Variants in NPAS3 observed in about 807,000 individuals in gnomAD.
The protein encoded by NPAS3 is neuronal PAS domain-containing protein 3.
In NPAS3, 14 loss-of-function variants were observed where a neutral mutation model predicts 73.1. The observed-to-expected ratio is 0.19, with a 90% CI of 0.13 to 0.30. The LOEUF (loss-of-function observed/expected upper bound fraction) is 0.30, where lower values mean the gene tolerates loss of function less well. Among genes scored for constraint, NPAS3 ranks in the 10% least tolerant of loss-of-function variants. The pLI, the probability that NPAS3 is intolerant of heterozygous loss-of-function variation, is 1.00. For synonymous variants in NPAS3, 620 were observed against 541.5 expected, an observed-to-expected ratio of 1.14 and a Z score of -2.01; for missense variants, 1,096 against 1,250.0, an observed-to-expected ratio of 0.88 and a Z score of 1.86.
chr14:33,663,926 C>G (rs2059380333), intron 5 of NPAS3, among the ~76,000 whole-genome samples: 1 of 151,962 alleles, frequency 6.6e-6, no homozygotes, highest in Non-Finnish European at 1.5e-5. Flanking sequence ...TGATTCTTCT[C>G]TCTTTTCCTC....
intron 4 of NPAS3, among the ~76,000 whole-genome samples, chr14:33,529,880 A>C (rs1419423623): frequency 2.0e-5 from 3 of 152,156 alleles, no homozygotes; most frequent in East Asian, 3.9e-4. Context: ...ACCAAGCGGC[A>C]GCATGTTCTA....
chr14:33,748,740 G>A (rs932609043), intron 7 of NPAS3, among the ~76,000 whole-genome samples: 3 of 152,110 alleles, frequency 2.0e-5, no homozygotes, highest in Admixed American at 6.6e-5. Context: ...ATGTTCATTC[G>A]TCATTGATGG....
chr14:33,442,892 T>A (rs2049317780), intron 4 of NPAS3, among the ~76,000 whole-genome samples: 1 of 152,258 alleles, frequency 6.6e-6, no homozygotes, highest in African/African-American at 2.4e-5. Flanking sequence ...CTAAGTTTAA[T>A]GTTTTCTGAA....
chr14:33,749,418 C>T (rs1293845811), intron 7 of NPAS3, among the ~76,000 whole-genome samples: 1 of 152,060 alleles, frequency 6.6e-6, no homozygotes, highest in Non-Finnish European at 1.5e-5. Flanking sequence ...TAGAATAGCC[C>T]CATAGGCAGT....
intron 2 of NPAS3, among the ~76,000 whole-genome samples, chr14:33,092,514 A>T (rs994245152): frequency 5.9e-5 from 9 of 152,246 alleles, no homozygotes; most frequent in African/African-American, 2.2e-4. Flanking sequence ...GGATAGGAAG[A>T]ATCAATATTG....
chr14:33,482,817 T>A (rs1167641539), intron 4 of NPAS3, among the ~76,000 whole-genome samples: 1 of 152,188 alleles, frequency 6.6e-6, no homozygotes, highest in Admixed American at 6.5e-5. Context: ...GTGCCGTATC[T>A]GCCTTTCTGC....
rs17472599 is a variant in NPAS3, at chr14:33,242,501, T to C, written c.385+27075T>C. 4.1e-3 allele frequency among the ~76,000 whole-genome samples: 619 copies of C among 152,238 alleles called. 6 individuals are homozygous for C. Among genetic ancestry groups the C allele is most frequent in the Non-Finnish European group, 7.4e-3 (500 of 67,952 alleles). On this transcript the variant is annotated intron_variant, in intron 3 of 11. Transcript: ENST00000356141. ...TGTCTGAGTCTGCAGAGGTTGCTTA[T>C]AAAAACAGAAATGAGCTTAGTGAAT...
intron 7 of NPAS3, among the ~76,000 whole-genome samples, chr14:33,772,814 A>C (rs1348752604): frequency 6.6e-6 from 1 of 152,334 alleles, no homozygotes; most frequent in Non-Finnish European, 1.5e-5. Context: ...AAAGTAGCTC[A>C]TCTGACCAAA....
intron 4 of NPAS3, among the ~76,000 whole-genome samples, chr14:33,518,364 T>C (rs949032368): frequency 6.6e-6 from 1 of 151,974 alleles, no homozygotes; most frequent in Non-Finnish European, 1.5e-5. Context: ...AATTTCAGGG[T>C]GAATAATTGA....
At chr14:33,067,160 A>G (rs1373938193) in intron 2 of NPAS3, among the ~76,000 whole-genome samples, 1 of 152,188 alleles carries the variant, frequency 6.6e-6, no homozygotes, top group African/African-American at 2.4e-5. Context: ...TTTCAACTGG[A>G]TGACAGGGTC....
At chr14:33,061,210 G>A (rs1009528316) in intron 2 of NPAS3, among the ~76,000 whole-genome samples, 9 of 152,168 alleles carry the variant, frequency 5.9e-5, no homozygotes, top group African/African-American at 1.2e-4. Flanking sequence ...GAAAGGTCAC[G>A]GAGGCTCCAG....
intron 3 of NPAS3, among the ~76,000 whole-genome samples, chr14:33,333,669 TC>T (rs1487721696): frequency 6.6e-6 from 1 of 152,156 alleles, no homozygotes; most frequent in African/African-American, 2.4e-5. Flanking sequence ...TGGTTTCATT[TC>T]ATTATTAAGT....
intron 4 of NPAS3, among the ~76,000 whole-genome samples, chr14:33,463,247 T>C (rs2139522250): frequency 6.6e-6 from 1 of 152,296 alleles, no homozygotes; most frequent in East Asian, 1.9e-4. Flanking sequence ...TAGTAATCCT[T>C]TCTAAGTAGC....
intron 4 of NPAS3, among the ~76,000 whole-genome samples, chr14:33,392,478 A>G (rs2047049229): frequency 1.3e-5 from 2 of 152,188 alleles, no homozygotes; most frequent in South Asian, 2.1e-4. Context: ...TAAAATTGAC[A>G]TATAAATTTT....
At chr14:33,648,911 C>A (rs952309079) in intron 5 of NPAS3, among the ~76,000 whole-genome samples, 6 of 152,142 alleles carry the variant, frequency 3.9e-5, no homozygotes, top group African/African-American at 1.2e-4. Flanking sequence ...TTGTGCTGCC[C>A]CCCAGAATTC....
intron 4 of NPAS3, among the ~76,000 whole-genome samples, chr14:33,414,606 T>C (rs527363391): frequency 1.3e-5 from 2 of 152,290 alleles, no homozygotes; most frequent in African/African-American, 4.8e-5. Context: ...TTTCCAAGCC[T>C]GTAATCTGTT....
chr14:33,643,083 C>G (rs369236581), intron 5 of NPAS3, among the ~76,000 whole-genome samples: 1 of 152,084 alleles, frequency 6.6e-6, no homozygotes. Flanking sequence ...ATGCTCTGAT[C>G]TCAGCTCTCA....
At chr14:33,672,918 G>T (rs766500439) in intron 5 of NPAS3, among the ~76,000 whole-genome samples, 1 of 152,226 alleles carries the variant, frequency 6.6e-6, no homozygotes, top group African/African-American at 2.4e-5. Context: ...TAAATGAAAT[G>T]AAGTCAAAGC....
chr14:33,585,379 C>T (rs2056826252), intron 5 of NPAS3, among the ~76,000 whole-genome samples: 1 of 152,054 alleles, frequency 6.6e-6, no homozygotes, highest in African/African-American at 2.4e-5. Context: ...TGCTATAGAC[C>T]AGCAGTCGAG....
Sources: gnomAD v4.1 joint callset for allele counts (sites outside exome capture counted in the v4.1 genomes callset) on GRCh38, gnomAD v4.1.1 for gene constraint, MANE v1.5 for transcripts, NCBI Gene and HGNC (gene_info 2026-07-23, HGNC 2026-07-21) for gene names.